HSDL2: variants seen among roughly 807,000 people sequenced by gnomAD.
The protein encoded by HSDL2 is hydroxysteroid dehydrogenase-like protein 2.
A neutral mutation model predicts 46.3 loss-of-function variants in HSDL2; 27 were observed. That is an observed-to-expected ratio of 0.58 (90% CI 0.43 to 0.80). The LOEUF (loss-of-function observed/expected upper bound fraction) is 0.80, where lower values mean the gene tolerates loss of function less well. Ranked by LOEUF, HSDL2 falls within the 30% of genes least tolerant of loss-of-function variation. The probability of loss-of-function intolerance (pLI) is 0.00; values close to 1 mark genes in which losing one functional copy is unlikely to be tolerated. For synonymous variants in HSDL2, 153 were observed against 163.6 expected (o/e 0.94, Z 0.50); for missense variants, 451 against 502.7 (o/e 0.90, Z 0.98).
chr9:112,416,216 C>T (rs1355244898), intron 4 of HSDL2, among the ~76,000 whole-genome samples: 1 of 151,456 alleles, frequency 6.6e-6, no homozygotes, highest in African/African-American at 2.4e-5. Context: ...TTGAGACACG[C>T]CTGCGCCACA....
At chr9:112,450,330 T>TA (rs1298710610) in intron 8 of HSDL2, among the ~76,000 whole-genome samples, 2 of 136,084 alleles carry the variant, frequency 1.5e-5, no homozygotes, top group African/African-American at 5.6e-5. Context: ...TACAGAAGTA[T>TA]AAAAAAAGCA....
In HSDL2 at chr9:112,454,053, A is replaced by G; in HGVS notation, c.906A>G (p.Gln302=). Residue 302 remains glutamine, a synonymous_variant, in exon 9 of 11, where the codon CAA becomes CAG. Coordinates refer to ENST00000398805, the MANE Select transcript of HSDL2 (RefSeq NM_032303.5). ...PEFKEEKLQL[Q]PKPRSGAVEE... ...TCAAAGAAGAGAAACTGCAGCTGCA[A>G]CCAAAACCACGTTCTGGAGCTGTGG... 6.2e-7 allele frequency: 1 copy of G among 1,614,038 alleles called. No individual in the cohort carries two copies. Among genetic ancestry groups the G allele is most frequent in the Non-Finnish European group, 8.5e-7 (1 of 1,179,942 alleles).
At position 112,418,936 on chromosome 9, in the gene HSDL2, C is replaced by T. The variant is rs778324705; in HGVS notation, c.576C>T (p.Val192=). ...AAGAATTTAAAGGTGAAATTGCAGTCAATGCATTATGGCCTAAAACAGGTA... is the reference window on the plus strand; with the variant it reads ...AAGAATTTAAAGGTGAAATTGCAGTTAATGCATTATGGCCTAAAACAGGTA... The part of the protein sequence containing the change: ...MAEEFKGEIA[V]NALWPKTAIH... The change falls in exon 6 of 11, where the codon GTC becomes GTT. Residue 192 remains valine, a synonymous_variant. Transcript: ENST00000398805. 6 of 1,596,146 alleles carry T rather than the reference C, an allele frequency of 3.8e-6. No homozygotes were observed. In the East Asian group the frequency reaches 1.1e-4, roughly 30 times the overall value.
chr9:112,396,351 A>G (rs72757494), intron 1 of HSDL2, among the ~76,000 whole-genome samples: 21,338 of 152,110 alleles, frequency 0.14, 1,860 homozygotes, highest in East Asian at 0.21. Context: ...AATAATAGAA[A>G]CATCAGCCCT....
chr9:112,403,542 C>T (rs1030095431), intron 1 of HSDL2, among the ~76,000 whole-genome samples: 5 of 151,714 alleles, frequency 3.3e-5, no homozygotes, highest in African/African-American at 1.2e-4. Context: ...CAATTATTTG[C>T]TTTTAGGTAA....
At chr9:112,419,626 C>T (rs563170264) in intron 6 of HSDL2, among the ~76,000 whole-genome samples, 1 of 152,282 alleles carries the variant, frequency 6.6e-6, no homozygotes, top group African/African-American at 2.4e-5. Context: ...TTTGTTTTCT[C>T]CTCACACATT....
Position 112,443,179 on chromosome 9 carries a change from T to C in HSDL2, c.865+1409T>C, listed in dbSNP as rs566920890. On this transcript the variant is annotated intron_variant, in intron 8 of 10. Transcript: ENST00000398805. ...GCCCAACGCCCTAAGGTTGGATCTG[T>C]CTTTTAGAAGAAGGCATGCATGAAC... Among the ~76,000 whole-genome samples, 8 of 152,328 alleles carry C rather than the reference T, an allele frequency of 5.3e-5. No individual in the cohort carries two copies. In the South Asian group the frequency reaches 1.4e-3, roughly 28 times the overall value.
At chr9:112,457,716 G>T (rs1000813409) in intron 9 of HSDL2, among the ~76,000 whole-genome samples, 1 of 152,090 alleles carries the variant, frequency 6.6e-6, no homozygotes. Flanking sequence ...ATCCACCCAA[G>T]CCAAGAACTA....
rs1295677870 is a variant in HSDL2, at chr9:112,409,024, A to C, written c.395+3A>C. On this transcript the variant is annotated splice_donor_region_variant and intron_variant, in intron 4 of 10. Transcript: ENST00000398805. ...AACACCAGAGGCACCTACCTTGCGT[A>C]AGTTTGCAAGAAGAGTTGTTGGGGA... 1 of 1,526,972 alleles carries C rather than the reference A, an allele frequency of 6.5e-7. No homozygotes were observed. Among genetic ancestry groups the C allele is most frequent in the Non-Finnish European group, 9.0e-7 (1 of 1,106,764 alleles). The allele number at this position is 1,526,972 out of a possible 1,614,324, so 94.6% of individuals were successfully genotyped here. A position where few individuals can be genotyped will look rare whatever the true frequency, so the allele number is the denominator to read the frequency against.
chr9:112,452,743 C>T (rs1301010397), intron 8 of HSDL2, among the ~76,000 whole-genome samples: 2 of 152,026 alleles, frequency 1.3e-5, no homozygotes, highest in Non-Finnish European at 2.9e-5. Context: ...GAGACTGTCT[C>T]AAAAATAAAT....
chr9:112,467,206 G>GT (rs60153183), intron 10 of HSDL2, among the ~76,000 whole-genome samples: 145,448 of 152,310 alleles, frequency 0.95, 69,509 homozygotes, highest in African/African-American at 0.98. Flanking sequence ...ACAAAGTGTG[G>GT]TATATACATA....
chr9:112,408,849 T>C (rs1831793579), intron 3 of HSDL2, 58 bp from the exon 4 acceptor site: 1 of 928,082 alleles, frequency 1.1e-6, no homozygotes, highest in South Asian at 1.5e-5. Context: ...AGTAAACGCT[T>C]TTTTTGTGTG....
chr9:112,412,215 G>A (rs548734702), intron 4 of HSDL2, among the ~76,000 whole-genome samples: 1 of 152,292 alleles, frequency 6.6e-6, no homozygotes, highest in South Asian at 2.1e-4. Flanking sequence ...AAACAATTCT[G>A]GTCCCAAGCT....
chr9:112,447,535 T>G (rs1832781356), intron 8 of HSDL2, among the ~76,000 whole-genome samples: 1 of 152,180 alleles, frequency 6.6e-6, no homozygotes, highest in South Asian at 2.1e-4. Context: ...ACAGACTCAG[T>G]TCTCTCTGGT....
chr9:112,401,441 CAAAAAAAAAAAAAAAAA>C (rs398011899), intron 1 of HSDL2, among the ~76,000 whole-genome samples: 1 of 61,496 alleles, frequency 1.6e-5, no homozygotes, highest in African/African-American at 6.7e-5. Context: ...GAACCGCTCT[CAAAAAAAAAAAAAAAAA>C]AAAAAAAAAA....
At chr9:112,411,653 C>T (rs960989256) in intron 4 of HSDL2, among the ~76,000 whole-genome samples, 2 of 151,990 alleles carry the variant, frequency 1.3e-5, no homozygotes, top group Non-Finnish European at 1.5e-5. Flanking sequence ...CCAGCTTGGG[C>T]AGCAGAGTGA....
intron 1 of HSDL2, among the ~76,000 whole-genome samples, chr9:112,395,565 GATT>G (rs1463317087): frequency 1.3e-5 from 2 of 152,214 alleles, no homozygotes; most frequent in African/African-American, 4.8e-5. Context: ...GCAGGCTCCT[GATT>G]ATTGATAGAT....
chr9:112,430,052 C>T (rs566738541), intron 6 of HSDL2, among the ~76,000 whole-genome samples: 1 of 151,730 alleles, frequency 6.6e-6, no homozygotes, highest in South Asian at 2.1e-4. Flanking sequence ...CCACTGCACT[C>T]CAGCCTGGGC....
At chr9:112,420,118 A>T (rs951163886) in intron 6 of HSDL2, among the ~76,000 whole-genome samples, 14 of 152,110 alleles carry the variant, frequency 9.2e-5, no homozygotes, top group Non-Finnish European at 2.1e-4. Context: ...GGATGGGCAG[A>T]TCACTTGAGG....
Sources: allele counts gnomAD v4.1 joint callset (sites outside exome capture counted in the v4.1 genomes callset), GRCh38; gene constraint gnomAD v4.1.1; transcripts MANE v1.5; gene names NCBI Gene and HGNC (gene_info 2026-07-23, HGNC 2026-07-21).